CALN1: variants seen among roughly 807,000 people sequenced by gnomAD.
The protein encoded by CALN1 is calcium-binding protein 8.
A neutral mutation model predicts 30.6 loss-of-function variants in CALN1; 17 were observed. The ratio of observed to expected loss-of-function variants is 0.56; its 90% CI spans 0.38 to 0.83. The LOEUF is 0.83. Among genes scored for constraint, CALN1 ranks in the 40% least tolerant of loss-of-function variants. The pLI is 0.00. For synonymous variants in CALN1, 156 were observed against 131.4 expected (o/e 1.19, Z -1.28); for missense variants, 291 against 354.9 (o/e 0.82, Z 1.45).
At chr7:72,238,036 T>C (rs933107613) in intron 3 of CALN1, among the ~76,000 whole-genome samples, 3 of 152,168 alleles carry the variant, frequency 2.0e-5, no homozygotes, top group Admixed American at 6.5e-5. Flanking sequence ...GTGAAGGTAA[T>C]GACCCACAAA....
chr7:72,369,186 A>G (rs11771673), intron 2 of CALN1, among the ~76,000 whole-genome samples: 49,050 of 151,428 alleles, frequency 0.32, 9,612 homozygotes, highest in Middle Eastern at 0.51. Context: ...AAAGTGTACA[A>G]TTTATAAGTT....
chr7:72,186,760 G>C (rs1047235780), intron 3 of CALN1, among the ~76,000 whole-genome samples: 1 of 152,004 alleles, frequency 6.6e-6, no homozygotes, highest in Non-Finnish European at 1.5e-5. Context: ...TTTTACAGTT[G>C]TGTAGTATTC....
intron 3 of CALN1, among the ~76,000 whole-genome samples, chr7:72,270,689 C>T (rs1796917637): frequency 1.3e-5 from 2 of 152,136 alleles, no homozygotes; most frequent in East Asian, 1.9e-4. Flanking sequence ...GCAGGAGCAT[C>T]GCTTGAGATC....
At chr7:72,247,214 G>A (rs1247628891) in intron 3 of CALN1, among the ~76,000 whole-genome samples, 1 of 136,734 alleles carries the variant, frequency 7.3e-6, no homozygotes, top group Non-Finnish European at 1.6e-5. Context: ...GTTTTCAACA[G>A]ACCATTTTCT....
intron 5 of CALN1, among the ~76,000 whole-genome samples, chr7:71,840,692 T>G (rs1468109458): frequency 1.3e-5 from 2 of 151,866 alleles, no homozygotes; most frequent in African/African-American, 2.4e-5. Flanking sequence ...TCCTTATATA[T>G]AAAATGGGGA....
At chr7:72,322,114 C>A (rs1459718530) in intron 2 of CALN1, among the ~76,000 whole-genome samples, 1 of 152,154 alleles carries the variant, frequency 6.6e-6, no homozygotes, top group African/African-American at 2.4e-5. Context: ...AACTCACCAT[C>A]ATGTAGAATC....
intron 3 of CALN1, among the ~76,000 whole-genome samples, chr7:72,246,490 G>A (rs778922261): frequency 6.6e-6 from 1 of 152,092 alleles, no homozygotes; most frequent in Non-Finnish European, 1.5e-5. Context: ...CACCTGCCAG[G>A]CTAACTTTCA....
At chr7:71,895,097 A>G (rs865869062) in intron 5 of CALN1, among the ~76,000 whole-genome samples, 4 of 152,036 alleles carry the variant, frequency 2.6e-5, no homozygotes, top group Admixed American at 1.3e-4. Context: ...TGAGACCACA[A>G]GGGTACATCA....
intron 3 of CALN1, among the ~76,000 whole-genome samples, chr7:72,267,002 C>G (rs1796639236): frequency 1.3e-5 from 2 of 152,212 alleles, no homozygotes; most frequent in Non-Finnish European, 2.9e-5. Context: ...GACACTCCCC[C>G]TCTTATTGGG....
At position 72,276,656 on chromosome 7, in the gene CALN1, G is replaced by A. The variant is rs372900382; in HGVS notation, c.244+2030C>T. On this transcript the variant is annotated intron_variant, in intron 3 of 6. Coordinates refer to ENST00000395275, the MANE Select transcript of CALN1 (RefSeq NM_031468.4). ...GGGGGAGTTCATTATCCAGAGCGTG[G>A]ACTATTATAAAAGTGAGTTTAGCCC... Among the ~76,000 whole-genome samples, 147 of 152,034 alleles carry A rather than the reference G, an allele frequency of 9.7e-4. 1 individual carries two copies. The highest frequency in any genetic ancestry group is 6.8e-3 in the Middle Eastern group (2 of 294).
intron 3 of CALN1, among the ~76,000 whole-genome samples, chr7:72,271,841 C>T (rs574254771): frequency 6.6e-6 from 1 of 151,706 alleles, no homozygotes; most frequent in South Asian, 2.1e-4. Context: ...GCAGGCAGAT[C>T]ACCTGAGGTC....
intron 6 of CALN1, among the ~76,000 whole-genome samples, chr7:71,807,851 G>A (rs997994544): frequency 1.3e-5 from 2 of 152,100 alleles, no homozygotes; most frequent in Non-Finnish European, 2.9e-5. Flanking sequence ...CGAGGTGGGC[G>A]GATTACGAGG....
intron 3 of CALN1, among the ~76,000 whole-genome samples, chr7:72,235,400 T>A (rs1230161429): frequency 6.6e-6 from 1 of 152,138 alleles, no homozygotes; most frequent in Non-Finnish European, 1.5e-5. Flanking sequence ...TTGTCCTGGG[T>A]GCATTTTAAA....
Position 72,445,011 on chromosome 7 carries a change from G to A in CALN1, c.-226+2031C>T, listed in dbSNP as rs551021681. 5.4e-5 allele frequency among the ~76,000 whole-genome samples: 8 copies of A among 148,476 alleles called. 1 individual carries two copies. The East Asian group carries it at 1.6e-3, about 30-fold the overall frequency. ...TGCCAGATCTAAACAAACTCCACTG[G>A]GACCTGCGTACAGCTTCTTGAAAGC... On this transcript the variant is annotated intron_variant, in intron 1 of 6. Transcript: ENST00000395276.
intron 5 of CALN1, among the ~76,000 whole-genome samples, chr7:72,018,117 G>A (rs148409483): frequency 3.9e-5 from 6 of 152,186 alleles, no homozygotes; most frequent in African/African-American, 1.4e-4. Flanking sequence ...GGCTGCTGGG[G>A]TAAATTCATG....
intron 2 of CALN1, among the ~76,000 whole-genome samples, chr7:72,346,453 T>C (rs776920839): frequency 3.9e-5 from 6 of 152,188 alleles, no homozygotes; most frequent in Non-Finnish European, 8.8e-5. Flanking sequence ...TCCACACACA[T>C]ACATTCTGTC....
At chr7:72,254,059 A>G (rs1409911433) in intron 3 of CALN1, among the ~76,000 whole-genome samples, 1 of 152,028 alleles carries the variant, frequency 6.6e-6, no homozygotes, top group Non-Finnish European at 1.5e-5. Flanking sequence ...CCATTTTACC[A>G]GAAGGCAAAC....
chr7:72,009,454 T>G lies in CALN1; in HGVS notation c.501+14203A>C, dbSNP rs1313517941. ...AATGATTTAATAATAGGAAATCTAT[T>G]AATTATCACATCTTGTCCAAACAAG... is the stretch of plus-strand genomic sequence containing the variant. On this transcript the variant is annotated intron_variant, in intron 5 of 6. Transcript: ENST00000395275. Among the ~76,000 whole-genome samples, 3 of 152,250 alleles carry G rather than the reference T, an allele frequency of 2.0e-5. No homozygotes were observed. The East Asian group carries it at 5.8e-4, about 29-fold the overall frequency.
intron 2 of CALN1, among the ~76,000 whole-genome samples, chr7:72,285,373 A>G (rs1397009431): frequency 1.3e-5 from 2 of 152,020 alleles, no homozygotes; most frequent in Non-Finnish European, 2.9e-5. Context: ...CCTCCCAAGT[A>G]GCTGGGATTA....
Sources: gnomAD v4.1 joint callset for allele counts (sites outside exome capture counted in the v4.1 genomes callset) on GRCh38, gnomAD v4.1.1 for gene constraint, MANE v1.5 for transcripts, NCBI Gene and HGNC (gene_info 2026-07-23, HGNC 2026-07-21) for gene names.